ZSCAN30: variants seen among roughly 807,000 people sequenced by gnomAD.
ZSCAN30 encodes zinc finger and SCAN domain containing 30.
A neutral mutation model predicts 44.3 loss-of-function variants in ZSCAN30; 37 were observed. The observed-to-expected ratio is 0.84, with a 90% CI of 0.64 to 1.10. The LOEUF is 1.10. Among genes scored for constraint, ZSCAN30 ranks in the 50% least tolerant of loss-of-function variants. ZSCAN30 has a pLI of 0.00. For synonymous variants in ZSCAN30, 181 were observed against 204.6 expected, an observed-to-expected ratio of 0.88 and a Z score of 0.98; for missense variants, 549 against 582.6, an observed-to-expected ratio of 0.94 and a Z score of 0.59.
chr18:35,290,022 G>A (rs2044626461), intron 1 of ZSCAN30, 62 bp downstream of exon 1: 1 of 152,236 alleles, frequency 6.6e-6, no homozygotes, highest in Admixed American at 6.5e-5. Context: ...GCGATAGGGG[G>A]AGGGGTGGTT....
At chr18:35,272,686 A>T (rs902606496) in intron 1 of ZSCAN30, among the ~76,000 whole-genome samples, 2 of 152,156 alleles carry the variant, frequency 1.3e-5, no homozygotes, top group Admixed American at 6.5e-5. Flanking sequence ...CATGCCATTA[A>T]ATTTACCATT....
chr18:35,281,839 C>T (rs2044461417), intron 1 of ZSCAN30: 1 of 150,926 alleles, frequency 6.6e-6, no homozygotes, highest in African/African-American at 2.4e-5. Context: ...ATGCATCCCA[C>T]AGGTTCCCAA....
chr18:35,282,712 T>C (rs899757694), intron 1 of ZSCAN30: 4 of 152,220 alleles, frequency 2.6e-5, no homozygotes, highest in Admixed American at 2.6e-4. Context: ...TATGTATGTG[T>C]GTTTATGACA....
Position 35,253,744 on chromosome 18 carries a change from G to C in ZSCAN30, c.1191C>G (p.Ser397Arg). ...CGECGKAFSR[S>R]SALIQHKKIH... Reference sequence around the variant, plus strand: ...TTTTCTTATGCTGAATAAGGGCTGAGCTCCGGCTGAAGGCCTTCCCACATT... The same window carrying C: ...TTTTCTTATGCTGAATAAGGGCTGACCTCCGGCTGAAGGCCTTCCCACATT... The change falls in exon 4 of 4, where the codon AGC becomes AGG. Residue 397 changes from serine to arginine, a missense_variant. Physicochemically the swap from Ser to Arg is moderately radical, Grantham distance 110. Transcript: ENST00000333206. 6.2e-7 allele frequency: 1 copy of C among 1,613,844 alleles called. No homozygotes were observed. The highest frequency in any genetic ancestry group is 1.6e-4 in the Middle Eastern group (1 of 6,062).
At position 35,254,108 on chromosome 18, in the gene ZSCAN30, T is replaced by C. The variant is rs976383844; in HGVS notation, c.827A>G (p.His276Arg). 1.2e-6 allele frequency: 2 copies of C among 1,608,548 alleles called. No homozygotes were observed. Among genetic ancestry groups the C allele is most frequent in the Non-Finnish European group, 8.5e-7 (1 of 1,175,100 alleles). ...IPTEHSVLES[H>R]ESEGSFSMNS... ...CATACTGAAACTTCCTTCACTCTCA[T>C]GAGATTCAAGGACACTGTGTTCTGT... The change falls in exon 4 of 4, where the codon CAT becomes CGT. Residue 276 changes from histidine to arginine, a missense_variant. By Grantham distance (29) the His-to-Arg change is conservative (BLOSUM62 0). Coordinates refer to ENST00000333206, the MANE Select transcript of ZSCAN30 (RefSeq NM_001112734.4).
Position 35,254,367 on chromosome 18 carries a change from C to T in ZSCAN30, c.568G>A (p.Ala190Thr), listed in dbSNP as rs771058471. 1.9e-6 allele frequency: 3 copies of T among 1,613,874 alleles called. No individual in the cohort carries two copies. Among genetic ancestry groups the T allele is most frequent in the Non-Finnish European group, 2.5e-6 (3 of 1,179,772 alleles). Residue 190 changes from alanine to threonine, a missense_variant, in exon 4 of 4, where the codon GCT becomes ACT. By Grantham distance (58) the Ala-to-Thr change is moderately conservative (BLOSUM62 0). Transcript: ENST00000333206. ...TGCTTTGCCATCAACACTTTGCCAG[C>T]CACCATCCTGCCATCTAAAAATGTG... is the stretch of plus-strand genomic sequence containing the variant. ...AFQERDGRMV[A>T]GKVLMAKQEI...
rs1482992453 is a variant in ZSCAN30 at position 35,252,317 on chromosome 18, G to A, written c.*1133C>T. 1 of 152,182 alleles carries A rather than the reference G, an allele frequency of 6.6e-6. No homozygotes were observed. Among genetic ancestry groups the A allele is most frequent in the African/African-American group, 2.4e-5 (1 of 41,428 alleles). 9.4% of individuals were successfully genotyped at this position (152,182 alleles called of 1,614,324 possible). A position where few individuals can be genotyped will look rare whatever the true frequency, so the allele number is the denominator to read the frequency against. On this transcript the variant is annotated 3_prime_UTR_variant, in exon 4 of 4. Coordinates refer to ENST00000333206, the MANE Select transcript of ZSCAN30 (RefSeq NM_001112734.4). The stretch of plus-strand genomic sequence containing the variant: ...TATCAGAGGCTAGAGAGACAGTGGG[G>A]ACTGGAGTGTTTGTGTCCCATGACT...
At chr18:35,280,592 G>A (rs1461055211) in intron 1 of ZSCAN30, among the ~76,000 whole-genome samples, 1 of 152,190 alleles carries the variant, frequency 6.6e-6, no homozygotes, top group Non-Finnish European at 1.5e-5. Context: ...TTCTGTCAAA[G>A]TGAACCTTGG....
intron 3 of ZSCAN30, chr18:35,259,364 G>A (rs964456509): frequency 6.6e-6 from 1 of 152,078 alleles, no homozygotes; most frequent in Non-Finnish European, 1.5e-5. Context: ...GCTAATTTTT[G>A]TATTTTTAGT....
At chr18:35,283,930 A>G in intron 1 of ZSCAN30, 1 of 152,490 alleles carries the variant, frequency 6.6e-6, no homozygotes, top group Non-Finnish European at 1.5e-5. Flanking sequence ...AGACAAGTGG[A>G]GGCTGAGCAA....
rs749966773 is a variant in ZSCAN30, at chr18:35,253,405, G to C, written c.*45C>G. On this transcript the variant is annotated 3_prime_UTR_variant, in exon 4 of 4. Coordinates refer to ENST00000333206, the MANE Select transcript of ZSCAN30 (RefSeq NM_001112734.4). Reference sequence around the variant, plus strand: ...TTTTCTGTGGAGTCTCACCCCTACAGTGAACTCCTTGCATTTCACAATTGT... The same window carrying C: ...TTTTCTGTGGAGTCTCACCCCTACACTGAACTCCTTGCATTTCACAATTGT... 2 of 1,495,750 alleles carry C rather than the reference G, an allele frequency of 1.3e-6. No individual in the cohort carries two copies. The highest frequency in any genetic ancestry group is 1.4e-5 in the African/African-American group (1 of 71,488). The allele number at this position is 1,495,750 out of a possible 1,614,324, so 92.7% of individuals were successfully genotyped here.
rs1429248927 is a variant in ZSCAN30 at position 35,251,591 on chromosome 18, G to A, written c.*1859C>T. Reference sequence around the variant, plus strand: ...TTGAGGGAGGGTCGTGGTGGGAGGTGATTAGATCATGGGAGCAGATTTCCC... The same window carrying A: ...TTGAGGGAGGGTCGTGGTGGGAGGTAATTAGATCATGGGAGCAGATTTCCC... On this transcript the variant is annotated 3_prime_UTR_variant, in exon 4 of 4. Coordinates refer to ENST00000333206, the MANE Select transcript of ZSCAN30 (RefSeq NM_001112734.4). The A allele has an allele frequency of 6.6e-6, 1 of 152,134 alleles. No homozygotes were observed. The highest frequency in any genetic ancestry group is 2.4e-5 in the African/African-American group (1 of 41,412). The allele number at this position is 152,134 out of a possible 1,614,324, so 9.4% of individuals were successfully genotyped here. A position where few individuals can be genotyped will look rare whatever the true frequency, so the allele number is the denominator to read the frequency against.
At chr18:35,280,423 C>A (rs2044436769) in intron 1 of ZSCAN30, among the ~76,000 whole-genome samples, 2 of 151,966 alleles carry the variant, frequency 1.3e-5, no homozygotes, top group Admixed American at 6.6e-5. Flanking sequence ...CACACACACA[C>A]AAAACACCAT....
chr18:35,264,338 G>C lies in ZSCAN30; in HGVS notation c.15C>G (p.Ala5=). The C allele has an allele frequency of 6.2e-7, 1 of 1,613,106 alleles. No individual in the cohort carries two copies. Residue 5 remains alanine, a synonymous_variant, in exon 2 of 4, where the codon GCC becomes GCG. Transcript: ENST00000333206. MSGE[A]TVLAYHAPEE... is the part of the protein sequence containing the mutation. ...CTGGAGCATGGTAGGCCAAGACTGT[G>C]GCCTCTCCTGACATTCTGGGCAGAG...
chr18:35,280,630 T>G (rs1031564446), intron 1 of ZSCAN30, among the ~76,000 whole-genome samples: 1 of 152,236 alleles, frequency 6.6e-6, no homozygotes, highest in East Asian at 1.9e-4. Flanking sequence ...GCCATTATTT[T>G]CTTTTCTGAA....
intron 1 of ZSCAN30, among the ~76,000 whole-genome samples, chr18:35,273,739 G>T (rs577341483): frequency 6.6e-6 from 1 of 152,298 alleles, no homozygotes; most frequent in East Asian, 1.9e-4. Flanking sequence ...GTACCACACT[G>T]TTTTGATAAT....
At chr18:35,275,287 C>T (rs2044350129) in intron 1 of ZSCAN30, among the ~76,000 whole-genome samples, 2 of 152,196 alleles carry the variant, frequency 1.3e-5, no homozygotes, top group African/African-American at 4.8e-5. Context: ...TTCCATCCAT[C>T]TATAAAGTTA....
Position 35,254,620 on chromosome 18 carries a change from A to G in ZSCAN30, c.554-239T>C. The G allele has an allele frequency of 9.3e-6, 6 of 647,820 alleles. 1 individual carries two copies. Among genetic ancestry groups the G allele is most frequent in the South Asian group, 8.1e-5 (4 of 49,498 alleles). The allele number at this position is 647,820 out of a possible 1,614,324, so 40.1% of individuals were successfully genotyped here. A position where few individuals can be genotyped will look rare whatever the true frequency, so the allele number is the denominator to read the frequency against. ...TGGAGAAGAGGGATGGTGAACAAGGAAAGACATTAGTTAGAGGGAATGGTG... is the reference window on the plus strand; with the variant it reads ...TGGAGAAGAGGGATGGTGAACAAGGGAAGACATTAGTTAGAGGGAATGGTG... On this transcript the variant is annotated intron_variant, in intron 3 of 3. Transcript: ENST00000333206.
Position 35,253,540 on chromosome 18 carries a change from TC to T in ZSCAN30, c.1394del (p.Gly465GlufsTer85), listed in dbSNP as rs753177952. ...ATTCACTACATTCATAAGGCTTCTC[TC>T]CAGTGTGAATTCTCTGGTGCTGGGT... ...ALTQHQRIHT[G>X]EKPYECSECR... is the part of the protein sequence containing the mutation. On this transcript the variant is annotated frameshift_variant, in exon 4 of 4. Transcript: ENST00000333206. LOFTEE classifies it high-confidence loss of function. 1.2e-6 allele frequency: 2 copies of T among 1,613,958 alleles called. No homozygotes were observed. Among genetic ancestry groups the T allele is most frequent in the South Asian group, 2.2e-5 (2 of 91,080 alleles).
Sources: allele counts gnomAD v4.1 joint callset (sites outside exome capture counted in the v4.1 genomes callset), GRCh38; gene constraint gnomAD v4.1.1; transcripts MANE v1.5; gene names NCBI Gene and HGNC (gene_info 2026-07-23, HGNC 2026-07-21).